WNT3A: variants seen among roughly 807,000 people sequenced by gnomAD.
WNT3A encodes the protein protein Wnt-3a.
WNT3A carries 17 observed loss-of-function variants against 37.0 expected under a neutral mutation model. The observed-to-expected ratio is 0.46, with a 90% confidence interval of 0.31 to 0.69. The LOEUF is 0.69. Ranked by LOEUF, WNT3A falls within the 30% of genes least tolerant of loss-of-function variation. WNT3A has a pLI of 0.05. For synonymous variants in WNT3A, 187 were observed against 211.0 expected (o/e 0.89, Z 0.99); for missense variants, 411 against 510.2 (o/e 0.81, Z 1.87).
chr1:228,048,386 G>A (rs2031472299), intron 2 of WNT3A, among the ~76,000 whole-genome samples: 1 of 152,190 alleles, frequency 6.6e-6, no homozygotes, highest in African/African-American at 2.4e-5. Context: ...AGGCTCAGGG[G>A]CTCCAAAGCC....
chr1:228,060,399 C>A lies in WNT3A; in HGVS notation c.*934C>A. The A allele has an allele frequency of 1.0e-6, 1 of 967,604 alleles. No individual in the cohort carries two copies. The highest frequency in any genetic ancestry group is 1.4e-6 in the Non-Finnish European group (1 of 699,400). The allele number at this position is 967,604 out of a possible 1,614,324, so 59.9% of individuals were successfully genotyped here. Reference sequence around the variant, plus strand: ...GCTCCAGGCGCGCCGACGCCTGTGCCACCCCTTCCTCAGCCTGGGGTTTGA... The same window carrying A: ...GCTCCAGGCGCGCCGACGCCTGTGCAACCCCTTCCTCAGCCTGGGGTTTGA... On this transcript the variant is annotated 3_prime_UTR_variant, in exon 4 of 4. Transcript: ENST00000284523.
rs922167546 is a variant in WNT3A at position 228,039,866 on chromosome 1, G to A, written c.314-10790G>A. Among the ~76,000 whole-genome samples the A allele has an allele frequency of 1.3e-5, 2 of 152,258 alleles. No homozygotes were observed. Among genetic ancestry groups the A allele is most frequent in the Non-Finnish European group, 1.5e-5 (1 of 68,002 alleles). On this transcript the variant is annotated intron_variant, in intron 2 of 3. Coordinates refer to ENST00000284523, the MANE Select transcript of WNT3A (RefSeq NM_033131.4). This position sits in a 1 kb window ranked among gnomAD's most constrained non-coding sequence, Gnocchi z 4.1. Reference sequence around the variant, plus strand: ...AGCTGGATTTCATTGTCCTATGGTCGCATTTAACAACAATCCCCACCCCCT... The same window carrying A: ...AGCTGGATTTCATTGTCCTATGGTCACATTTAACAACAATCCCCACCCCCT...
At chr1:228,048,501 C>T (rs1054847960) in intron 2 of WNT3A, among the ~76,000 whole-genome samples, 8 of 152,228 alleles carry the variant, frequency 5.3e-5, no homozygotes, top group African/African-American at 1.9e-4. Flanking sequence ...CAATGCTTGG[C>T]AAACAGCAGG....
rs1285684982 is a variant in WNT3A, at chr1:228,007,232, C to G, written c.71+33C>G. 2 of 1,582,264 alleles carry G rather than the reference C, an allele frequency of 1.3e-6. No homozygotes were observed. Among genetic ancestry groups the G allele is most frequent in the Non-Finnish European group, 1.7e-6 (2 of 1,164,506 alleles). ...AGCCTCCTCGCGTTCGCCCCTGCCCCTGTGCGCCGCGCCCGCAGCAGACGG... is the reference window on the plus strand; with the variant it reads ...AGCCTCCTCGCGTTCGCCCCTGCCCGTGTGCGCCGCGCCCGCAGCAGACGG... On this transcript the variant is annotated intron_variant, in intron 1 of 3. Coordinates refer to ENST00000284523, the MANE Select transcript of WNT3A (RefSeq NM_033131.4). This position sits in a 1 kb window ranked among gnomAD's most constrained non-coding sequence, Gnocchi z 6.0.
chr1:228,053,168 C>T (rs1442598362), intron 3 of WNT3A, among the ~76,000 whole-genome samples: 2 of 152,178 alleles, frequency 1.3e-5, no homozygotes, highest in Non-Finnish European at 2.9e-5. Flanking sequence ...CCTAACCTGT[C>T]AGCACCTTGA....
Position 228,007,089 on chromosome 1 carries a change from C to G in WNT3A, c.-40C>G. On this transcript the variant is annotated 5_prime_UTR_variant, in exon 1 of 4. Transcript: ENST00000284523. The surrounding 1 kb of genome is among the most constrained non-coding windows in gnomAD (Gnocchi z 6.0). ...CGGCCCCCCCCGGCGCTCACGCTCTCGGGGCGGACTCCCGGCCCTCCGCGC... is the reference window on the plus strand; with the variant it reads ...CGGCCCCCCCCGGCGCTCACGCTCTGGGGGCGGACTCCCGGCCCTCCGCGC... The G allele has an allele frequency of 6.7e-7, 1 of 1,491,300 alleles. No homozygotes were observed. Among genetic ancestry groups the G allele is most frequent in the Non-Finnish European group, 9.0e-7 (1 of 1,115,820 alleles). 92.4% of individuals were successfully genotyped at this position (1,491,300 alleles called of 1,614,324 possible). A position where few individuals can be genotyped will look rare whatever the true frequency, so the allele number is the denominator to read the frequency against.
rs192606837 is a variant in WNT3A, at chr1:228,009,655, C to G, written c.71+2456C>G. ...AGCCGCTGGCCCCTTGATTCTCCCC[C>G]CTCCACCATCACCGGCACATGAAAG... On this transcript the variant is annotated intron_variant, in intron 1 of 3. Transcript: ENST00000284523. 8.7e-4 allele frequency among the ~76,000 whole-genome samples: 133 copies of G among 152,336 alleles called. 1 individual carries two copies. The highest frequency in any genetic ancestry group is 4.8e-3 in the East Asian group (25 of 5,174).
chr1:228,007,210 C>T lies in WNT3A; in HGVS notation c.71+11C>T, dbSNP rs1050084246. The T allele has an allele frequency of 6.3e-7, 1 of 1,599,354 alleles. No homozygotes were observed. Among genetic ancestry groups the T allele is most frequent in the Admixed American group, 1.7e-5 (1 of 59,186 alleles). ...CTACCCGATCTGGTGGTGAGTGAGC[C>T]TCCTCGCGTTCGCCCCTGCCCCTGT... is the stretch of plus-strand genomic sequence containing the variant. On this transcript the variant is annotated intron_variant, in intron 1 of 3. Transcript: ENST00000284523. The surrounding 1 kb of genome is among the most constrained non-coding windows in gnomAD (Gnocchi z 6.0).
chr1:228,053,287 G>A (rs1317897660), intron 3 of WNT3A, among the ~76,000 whole-genome samples: 1 of 151,860 alleles, frequency 6.6e-6, no homozygotes, highest in Middle Eastern at 3.2e-3. Context: ...ATAGCAACAT[G>A]GAAAAAAAAT....
At chr1:228,013,613 C>G (rs1297805895) in intron 1 of WNT3A, among the ~76,000 whole-genome samples, 1 of 152,170 alleles carries the variant, frequency 6.6e-6, no homozygotes, top group Non-Finnish European at 1.5e-5. Context: ...GTTGCCGACA[C>G]CCAGGAGGGA....
At chr1:228,046,312 GGTGTGT>G (rs10578421) in intron 2 of WNT3A, among the ~76,000 whole-genome samples, 3 of 151,296 alleles carry the variant, frequency 2.0e-5, no homozygotes, top group African/African-American at 2.4e-5. Flanking sequence ...CATGTGGAGG[GGTGTGT>G]GTGTGTGTGC....
chr1:228,033,295 A>G (rs2031056250), intron 2 of WNT3A, among the ~76,000 whole-genome samples: 1 of 152,190 alleles, frequency 6.6e-6, no homozygotes, highest in Admixed American at 6.5e-5. Flanking sequence ...TTTTTTTTAA[A>G]TAAGAGTTTT....
chr1:228,054,698 T>A, intron 3 of WNT3A, among the ~76,000 whole-genome samples: 1 of 143,222 alleles, frequency 7.0e-6, no homozygotes, highest in Admixed American at 7.0e-5. Flanking sequence ...CATGATCTGA[T>A]GACACAGTGA....
intron 3 of WNT3A, among the ~76,000 whole-genome samples, chr1:228,057,863 C>T (rs1434301049): frequency 1.3e-5 from 2 of 152,188 alleles, no homozygotes; most frequent in African/African-American, 2.4e-5. Flanking sequence ...TTGAGACAGA[C>T]TCTCGCCCTG....
intron 2 of WNT3A, among the ~76,000 whole-genome samples, chr1:228,029,019 C>T (rs759305689): frequency 2.6e-4 from 39 of 152,148 alleles, no homozygotes; most frequent in East Asian, 1.2e-3. Context: ...AGGTCTGCTC[C>T]GCTCCCTCCA....
intron 2 of WNT3A, among the ~76,000 whole-genome samples, chr1:228,034,622 A>G (rs2031091493): frequency 6.6e-6 from 1 of 152,222 alleles, no homozygotes; most frequent in Non-Finnish European, 1.5e-5. Context: ...CTTTGTTCAC[A>G]TAAATAAATA....
At chr1:228,014,630 A>G (rs997950335) in intron 1 of WNT3A, among the ~76,000 whole-genome samples, 2 of 152,236 alleles carry the variant, frequency 1.3e-5, no homozygotes, top group Admixed American at 6.5e-5. Context: ...TTCCATCCAC[A>G]GGGATTAGGT....
At chr1:228,056,803 C>G (rs1324492435) in intron 3 of WNT3A, among the ~76,000 whole-genome samples, 1 of 152,176 alleles carries the variant, frequency 6.6e-6, no homozygotes, top group Non-Finnish European at 1.5e-5. Context: ...GCTTCAGGAT[C>G]AGGAATCAAA....
In WNT3A at chr1:228,031,757, C is replaced by T. The variant is rs562462635; in HGVS notation, c.313+8849C>T. Among the ~76,000 whole-genome samples the T allele has an allele frequency of 3.5e-4, 54 of 152,222 alleles. No individual in the cohort carries two copies. The highest frequency in any genetic ancestry group is 2.3e-3 in the South Asian group (11 of 4,814). The stretch of plus-strand genomic sequence containing the variant: ...GTGTGCATGTGATGCAGTTGCTGCC[C>T]GCTAGGGTTCCTGGGCTGTGCTGTA... On this transcript the variant is annotated intron_variant, in intron 2 of 3. Coordinates refer to ENST00000284523, the MANE Select transcript of WNT3A (RefSeq NM_033131.4). The surrounding 1 kb of genome is among the most constrained non-coding windows in gnomAD (Gnocchi z 4.8).
Sources: gnomAD v4.1 joint callset for allele counts (sites outside exome capture counted in the v4.1 genomes callset) on GRCh38, gnomAD v4.1.1 for gene constraint, Gnocchi (gnomAD v3.1) non-coding constraint, MANE v1.5 for transcripts, NCBI Gene and HGNC (gene_info 2026-07-23, HGNC 2026-07-21) for gene names.